CERS6: variants seen among roughly 807,000 people sequenced by gnomAD.
CERS6 encodes the protein LAG1 homolog, ceramide synthase 6.
A neutral mutation model predicts 56.8 loss-of-function variants in CERS6; 26 were observed. The ratio of observed to expected loss-of-function variants is 0.46; its 90% CI spans 0.34 to 0.63. The LOEUF is 0.63. CERS6 is among the 30% of genes least tolerant of loss of function. The pLI is 0.01. For missense variants in CERS6, 415 were observed against 467.5 expected, an observed-to-expected ratio of 0.89 and a Z score of 1.04; for synonymous variants, 164 against 173.3, an observed-to-expected ratio of 0.95 and a Z score of 0.42.
At chr2:168,671,729 G>A (rs1685923549) in intron 4 of CERS6, among the ~76,000 whole-genome samples, 1 of 152,124 alleles carries the variant, frequency 6.6e-6, no homozygotes, top group African/African-American at 2.4e-5. Flanking sequence ...TGAAGATGGA[G>A]TCATTCTTTC....
At chr2:168,693,099 A>G (rs536666603) in intron 5 of CERS6, among the ~76,000 whole-genome samples, 18 of 152,280 alleles carry the variant, frequency 1.2e-4, no homozygotes, top group South Asian at 4.1e-4. Flanking sequence ...GTGAAGTTGC[A>G]TTCAGTTGAA....
At chr2:168,577,850 G>T (rs924152027) in intron 3 of CERS6, among the ~76,000 whole-genome samples, 5 of 152,214 alleles carry the variant, frequency 3.3e-5, no homozygotes, top group Admixed American at 6.5e-5. Flanking sequence ...CAATTTTCTG[G>T]AGGTGTATTG....
At chr2:168,731,868 A>T (rs190490421) in intron 8 of CERS6, among the ~76,000 whole-genome samples, 24 of 152,358 alleles carry the variant, frequency 1.6e-4, no homozygotes, top group South Asian at 4.1e-4. Flanking sequence ...TTTGTGTACA[A>T]GTTCCTTAAA....
At chr2:168,485,624 C>A (rs188656469) in intron 1 of CERS6, among the ~76,000 whole-genome samples, 1 of 152,254 alleles carries the variant, frequency 6.6e-6, no homozygotes, top group African/African-American at 2.4e-5. Flanking sequence ...AGATTTCCTT[C>A]TTTCACTTTA....
At chr2:168,738,612 A>AT (rs1313647312) in intron 8 of CERS6, among the ~76,000 whole-genome samples, 1 of 152,238 alleles carries the variant, frequency 6.6e-6, no homozygotes, top group Non-Finnish European at 1.5e-5. Flanking sequence ...CTAAGTAAGC[A>AT]TAAAATGGAA....
At chr2:168,549,099 C>A (rs1695518633) in intron 2 of CERS6, among the ~76,000 whole-genome samples, 1 of 151,984 alleles carries the variant, frequency 6.6e-6, no homozygotes, top group Non-Finnish European at 1.5e-5. Context: ...GTGATTATAA[C>A]ATATTTGGAG....
At chr2:168,702,972 G>T (rs1288569010) in intron 6 of CERS6, among the ~76,000 whole-genome samples, 1 of 152,164 alleles carries the variant, frequency 6.6e-6, no homozygotes. Context: ...TATTAAGCCA[G>T]ACATTAAAGA....
intron 9 of CERS6, among the ~76,000 whole-genome samples, chr2:168,767,354 C>G (rs1045820995): frequency 1.3e-5 from 2 of 152,108 alleles, no homozygotes; most frequent in African/African-American, 4.8e-5. Context: ...TTTCTAAGTG[C>G]AATTTAAAAA....
chr2:168,533,872 G>A (rs572461488), intron 1 of CERS6, among the ~76,000 whole-genome samples: 1 of 151,954 alleles, frequency 6.6e-6, no homozygotes, highest in Non-Finnish European at 1.5e-5. Context: ...CATTGGTTCG[G>A]TCTTTTTACG....
chr2:168,523,432 G>A (rs1201088112), intron 1 of CERS6, among the ~76,000 whole-genome samples: 2 of 152,116 alleles, frequency 1.3e-5, no homozygotes, highest in African/African-American at 2.4e-5. Context: ...TGTCTGAGAT[G>A]AATCATAATT....
chr2:168,762,445 AAT>A (rs1398779986), intron 8 of CERS6, among the ~76,000 whole-genome samples: 2 of 152,138 alleles, frequency 1.3e-5, no homozygotes, highest in Non-Finnish European at 2.9e-5. Context: ...GGTGTTTATT[AAT>A]ATGCTGATTT....
At chr2:168,743,382 C>G (rs1324335653) in intron 8 of CERS6, among the ~76,000 whole-genome samples, 3 of 152,052 alleles carry the variant, frequency 2.0e-5, no homozygotes, top group Non-Finnish European at 4.4e-5. Flanking sequence ...CGCCTGTAAT[C>G]CCACCACTTT....
chr2:168,581,933 C>T (rs1017532310), intron 3 of CERS6, among the ~76,000 whole-genome samples: 6 of 152,168 alleles, frequency 3.9e-5, no homozygotes, highest in African/African-American at 1.2e-4. Flanking sequence ...GGACGATACC[C>T]CAGCCCAGGA....
intron 1 of CERS6, among the ~76,000 whole-genome samples, chr2:168,461,006 G>A (rs943157359): frequency 1.3e-5 from 2 of 152,090 alleles, no homozygotes; most frequent in African/African-American, 4.8e-5. Flanking sequence ...GTGTGAGAGC[G>A]TGTTCCTGGT....
intron 3 of CERS6, among the ~76,000 whole-genome samples, chr2:168,606,178 C>G (rs1026314468): frequency 1.3e-5 from 2 of 152,198 alleles, no homozygotes; most frequent in Non-Finnish European, 2.9e-5. Context: ...ACTTCTTACA[C>G]CAGTGTGCCC....
At chr2:168,587,559 C>T (rs1045847977) in intron 3 of CERS6, among the ~76,000 whole-genome samples, 10 of 152,174 alleles carry the variant, frequency 6.6e-5, no homozygotes, top group Non-Finnish European at 1.0e-4. Context: ...GTGTTAAGTG[C>T]TTTTTCTTCT....
intron 3 of CERS6, among the ~76,000 whole-genome samples, chr2:168,619,630 G>T (rs539549011): frequency 1.3e-5 from 2 of 152,082 alleles, no homozygotes; most frequent in South Asian, 4.2e-4. Context: ...TAATGATCAG[G>T]GAAATGCAAA....
At chr2:168,675,218 C>T (rs12986570) in intron 4 of CERS6, among the ~76,000 whole-genome samples, 53,885 of 151,830 alleles carry the variant, frequency 0.35, 11,090 homozygotes, top group Non-Finnish European at 0.46. Flanking sequence ...GTGATCCGCC[C>T]GCCTCAGCCT....
intron 4 of CERS6, among the ~76,000 whole-genome samples, chr2:168,671,359 G>A (rs1328802511): frequency 6.6e-6 from 1 of 152,118 alleles, no homozygotes; most frequent in Non-Finnish European, 1.5e-5. Flanking sequence ...TGTTAAAGTG[G>A]CGTCATTTAA....
Sources: allele counts gnomAD v4.1 joint callset (sites outside exome capture counted in the v4.1 genomes callset), GRCh38; gene constraint gnomAD v4.1.1; transcripts MANE v1.5; gene names NCBI Gene and HGNC (gene_info 2026-07-23, HGNC 2026-07-21).